The following INHBA variants were observed in gnomAD, a reference collection of about 807,000 sequenced individuals.
INHBA encodes inhibin beta A chain.
In INHBA, 1 loss-of-function variant was observed where a neutral mutation model predicts 29.0. That is an observed-to-expected ratio of 0.03 (90% confidence interval 0.01 to 0.16). The LOEUF is 0.16. INHBA is among the 10% of genes least tolerant of loss of function. The pLI is 1.00. For synonymous variants in INHBA, 242 were observed against 216.8 expected (o/e 1.12, Z -1.02); for missense variants, 376 against 545.4 (o/e 0.69, Z 3.09).
chr7:41,689,826 G>A lies in INHBA; in HGVS notation c.1105C>T (p.His369Tyr). 1 of 1,614,122 alleles carries A rather than the reference G, an allele frequency of 6.2e-7. No homozygotes were observed. The highest frequency in any genetic ancestry group is 1.1e-5 in the South Asian group (1 of 91,088). ...CGGTAGTGGTTGATGACTGTTGAGT[G>A]GAAGGACAGTGAGGACCCGGACGTG... ...AGTSGSSLSF[H>Y]STVINHYRMR... The change falls in exon 3 of 3, where the codon CAC (histidine) becomes TAC (tyrosine). Residue 369 changes from histidine (H) to tyrosine (Y), a missense_variant. Around this residue, in one of 4 missense-constraint regions of INHBA, gnomAD observed 50 missense variants for 137.9 expected, o/e 0.36. Transcript: ENST00000242208.
chr7:41,689,480 T>A lies in INHBA; in HGVS notation c.*170A>T. ...GATTTTTTCCACATCTTCCTTCATC[T>A]GTTTCATCAGGTTTTGTTTTTAATT... On this transcript the variant is annotated 3_prime_UTR_variant, in exon 3 of 3. Transcript: ENST00000242208. 1 of 604,432 alleles carries A rather than the reference T, an allele frequency of 1.7e-6. No individual in the cohort carries two copies. The highest frequency in any genetic ancestry group is 2.6e-6 in the Non-Finnish European group (1 of 379,578). 37.4% of individuals were successfully genotyped at this position (604,432 alleles called of 1,614,324 possible). A position where few individuals can be genotyped will look rare whatever the true frequency, so the allele number is the denominator to read the frequency against.
chr7:41,693,143 A>G (rs879265508), intron 2 of INHBA, among the ~76,000 whole-genome samples: 1 of 152,222 alleles, frequency 6.6e-6, no homozygotes, highest in Non-Finnish European at 1.5e-5. Flanking sequence ...ACAGACAGAT[A>G]GTAGCTGCTA....
rs1286506011 is a variant in INHBA, at chr7:41,686,029, T to G, written c.*3621A>C. ...CAACTGAGACATATTTGTTCTCTGT[T>G]TTTTTAGAGTCACCTCTTAAAGTCC... On this transcript the variant is annotated 3_prime_UTR_variant, in exon 3 of 3. Coordinates refer to ENST00000242208, the MANE Select transcript of INHBA (RefSeq NM_002192.4). 6.6e-6 allele frequency: 1 copy of G among 152,114 alleles called. No individual in the cohort carries two copies. The highest frequency in any genetic ancestry group is 1.9e-4 in the East Asian group (1 of 5,196). 9.4% of individuals were successfully genotyped at this position (152,114 alleles called of 1,614,324 possible). A position where few individuals can be genotyped will look rare whatever the true frequency, so the allele number is the denominator to read the frequency against.
chr7:41,703,449 C>T (rs1168291653), upstream of INHBA, among the ~76,000 whole-genome samples: 1 of 152,076 alleles, frequency 6.6e-6, no homozygotes, highest in Non-Finnish European at 1.5e-5. Flanking sequence ...CATAAAACAT[C>T]TGTTACTTCA....
In INHBA at chr7:41,686,477, G is replaced by GCTAGGTGAAAGAGTGGTTGTTCA. The variant is rs1794395787; in HGVS notation, c.*3150_*3172dup. On this transcript the variant is annotated 3_prime_UTR_variant, in exon 3 of 3. Transcript: ENST00000242208. ...AAGCCTTTACTTTTGGCCTCATGCT[G>GCTAGGTGAAAGAGTGGTTGTTCA]CTAGGTGAAAGAGTGGTTGTTCACA... 6.6e-6 allele frequency: 1 copy of GCTAGGTGAAAGAGTGGTTGTTCA among 152,106 alleles called. No homozygotes were observed. The allele number at this position is 152,106 out of a possible 1,614,324, so 9.4% of individuals were successfully genotyped here.
At position 41,700,371 on chromosome 7, in the gene INHBA, G is replaced by A. The variant is rs1794752318; in HGVS notation, c.4C>T (p.Pro2Ser). Residue 2 changes from proline to serine, a missense_variant, in exon 2 of 3, where the codon CCC (proline) becomes TCC (serine). Pro to Ser is a moderately conservative substitution (Grantham distance 74). Transcript: ENST00000242208. MPLLWLRGFLLA... is the reference protein window; with the variant it reads MSLLWLRGFLLA... ...AGAAATCCTCTCAGCCAAAGCAAGG[G>A]CATCCTGGCAGCAAAAGTTGTTGTG... 4.1e-6 allele frequency: 6 copies of A among 1,456,578 alleles called. No homozygotes were observed. Among genetic ancestry groups the A allele is most frequent in the East Asian group, 2.3e-5 (1 of 43,002 alleles). The allele number at this position is 1,456,578 out of a possible 1,614,324, so 90.2% of individuals were successfully genotyped here.
At chr7:41,700,562 T>C (rs1794760188) in intron 1 of INHBA, 45 bp from the exon 2 acceptor site, 3 of 521,562 alleles carry the variant, frequency 5.8e-6, no homozygotes, top group East Asian at 3.1e-5. Context: ...TGTTTGCAGG[T>C]TCCTCTCTGA....
rs1425653006 is a variant in INHBA at position 41,700,480 on chromosome 7, TG to T, written c.-107del. ...GTGTGGATTTTTTTATTTTTTTTTT[TG>T]GTGTTTTTTTTTTCCTTCTCCTCTT... On this transcript the variant is annotated 5_prime_UTR_variant, in exon 2 of 3. Coordinates refer to ENST00000242208, the MANE Select transcript of INHBA (RefSeq NM_002192.4). 1.7e-6 allele frequency: 2 copies of T among 1,143,752 alleles called. No homozygotes were observed. The highest frequency in any genetic ancestry group is 2.9e-5 in the Admixed American group (1 of 34,238). 70.9% of individuals were successfully genotyped at this position (1,143,752 alleles called of 1,614,324 possible).
chr7:41,693,230 T>A (rs1794560639), intron 2 of INHBA, among the ~76,000 whole-genome samples: 1 of 152,162 alleles, frequency 6.6e-6, no homozygotes, highest in African/African-American at 2.4e-5. Flanking sequence ...GTCTGACTAG[T>A]GCCCCGGATA....
At position 41,700,438 on chromosome 7, in the gene INHBA, C is replaced by T; in HGVS notation, c.-64G>A. 4 of 1,328,662 alleles carry T rather than the reference C, an allele frequency of 3.0e-6. No individual in the cohort carries two copies. The highest frequency in any genetic ancestry group is 3.9e-6 in the Non-Finnish European group (4 of 1,028,110). 82.3% of individuals were successfully genotyped at this position (1,328,662 alleles called of 1,614,324 possible). A position where few individuals can be genotyped will look rare whatever the true frequency, so the allele number is the denominator to read the frequency against. ...GCCCTGCTTTTCCTCCCCCCTCACG[C>T]GCAGGTTTTTTTGTGTGTGTGGATT... On this transcript the variant is annotated 5_prime_UTR_variant, in exon 2 of 3. Transcript: ENST00000242208.
At position 41,690,161 on chromosome 7, in the gene INHBA, A is replaced by G. The variant is rs1192011470; in HGVS notation, c.770T>C (p.Leu257Pro). 1.2e-6 allele frequency: 2 copies of G among 1,612,912 alleles called. No homozygotes were observed. Among genetic ancestry groups the G allele is most frequent in the Non-Finnish European group, 1.7e-6 (2 of 1,179,898 alleles). ...CTCTTCTTTCTTCTTCTTCTTGCCCAGGAGAACCAAGCTGGCGCCACTCTC... is the reference window on the plus strand; with the variant it reads ...CTCTTCTTTCTTCTTCTTCTTGCCCGGGAGAACCAAGCTGGCGCCACTCTC... ...CQESGASLVL[L>P]GKKKKKEEEG... Residue 257 changes from leucine to proline, a missense_variant, in exon 3 of 3, where the codon CTG becomes CCG. Physicochemically the swap from Leu to Pro is moderately conservative, Grantham distance 98. Around this residue, in one of 4 missense-constraint regions of INHBA, gnomAD observed 253 missense variants for 313.4 expected, o/e 0.81. Coordinates refer to ENST00000242208, the MANE Select transcript of INHBA (RefSeq NM_002192.4).
rs1290970196 is a variant in INHBA, at chr7:41,685,559, G to C, written c.*4091C>G. The C allele has an allele frequency of 1.3e-5, 2 of 152,002 alleles. No individual in the cohort carries two copies. Among genetic ancestry groups the C allele is most frequent in the African/African-American group, 4.8e-5 (2 of 41,406 alleles). 9.4% of individuals were successfully genotyped at this position (152,002 alleles called of 1,614,324 possible). A position where few individuals can be genotyped will look rare whatever the true frequency, so the allele number is the denominator to read the frequency against. ...CATAAAAAGTTTTAAAATAAAACAG[G>C]CTTCAGATTATCTTGGCTTTCATAA... On this transcript the variant is annotated 3_prime_UTR_variant, in exon 3 of 3. Coordinates refer to ENST00000242208, the MANE Select transcript of INHBA (RefSeq NM_002192.4).
Position 41,688,743 on chromosome 7 carries a change from T to C in INHBA, c.*907A>G. Reference sequence around the variant, plus strand: ...AAAAACAACAACAACATTTACAAAATATAGAAATGTTTGGATCCAACAGAT... The same window carrying C: ...AAAAACAACAACAACATTTACAAAACATAGAAATGTTTGGATCCAACAGAT... On this transcript the variant is annotated 3_prime_UTR_variant, in exon 3 of 3. Coordinates refer to ENST00000242208, the MANE Select transcript of INHBA (RefSeq NM_002192.4). 6.1e-6 allele frequency: 1 copy of C among 163,274 alleles called. No homozygotes were observed. The allele number at this position is 163,274 out of a possible 1,614,324, so 10.1% of individuals were successfully genotyped here.
chr7:41,689,528 T>C lies in INHBA; in HGVS notation c.*122A>G. On this transcript the variant is annotated 3_prime_UTR_variant, in exon 3 of 3. Coordinates refer to ENST00000242208, the MANE Select transcript of INHBA (RefSeq NM_002192.4). ...ATTTACTTTTGTTTTTTTTTGTTTT[T>C]TTTTTTGTTTTGTTTTTAATTTCTA... is the stretch of plus-strand genomic sequence containing the variant. 1 of 819,632 alleles carries C rather than the reference T, an allele frequency of 1.2e-6. No homozygotes were observed. The highest frequency in any genetic ancestry group is 3.5e-5 in the South Asian group (1 of 28,186). The allele number at this position is 819,632 out of a possible 1,614,324, so 50.8% of individuals were successfully genotyped here.
intron 1 of INHBA, among the ~76,000 whole-genome samples, chr7:41,700,862 AGAGAGAGAG>A (rs1233462142): frequency 1.0e-4 from 15 of 144,790 alleles, no homozygotes; most frequent in African/African-American, 3.9e-4. Flanking sequence ...AGAGAGAGAG[AGAGAGAGAG>A]AGAGAGAAAG....
At chr7:41,701,929 G>C (rs1448295725) in intron 1 of INHBA, among the ~76,000 whole-genome samples, 1 of 152,108 alleles carries the variant, frequency 6.6e-6, no homozygotes, top group Non-Finnish European at 1.5e-5. Context: ...CACAGAAAAA[G>C]AAAAATGTGA....
Position 41,690,023 on chromosome 7 carries a change from T to C in INHBA, c.908A>G (p.His303Arg). The stretch of plus-strand genomic sequence containing the variant: ...GCCCCGCCGACGCCGGCGATGAGGG[T>C]GGTCTTCAGACTGCCGGGCCTGCAG... Reference protein sequence around the residue: ...LMLQARQSEDHPHRRRRRGLE... With the variant: ...LMLQARQSEDRPHRRRRRGLE... Residue 303 changes from histidine to arginine, a missense_variant, in exon 3 of 3, where the codon CAC becomes CGC. Around this residue, in one of 4 missense-constraint regions of INHBA, gnomAD observed 253 missense variants for 313.4 expected, o/e 0.81. Coordinates refer to ENST00000242208, the MANE Select transcript of INHBA (RefSeq NM_002192.4). The C allele has an allele frequency of 2.5e-6, 4 of 1,614,080 alleles. No individual in the cohort carries two copies. Among genetic ancestry groups the C allele is most frequent in the Non-Finnish European group, 3.4e-6 (4 of 1,180,024 alleles).
chr7:41,694,997 A>G (rs1794611526), intron 2 of INHBA, among the ~76,000 whole-genome samples: 1 of 152,160 alleles, frequency 6.6e-6, no homozygotes, highest in African/African-American at 2.4e-5. Context: ...GAATAAGTCA[A>G]TCATGAAGGC....
At chr7:41,703,396 G>C (rs562285680), upstream of INHBA, among the ~76,000 whole-genome samples, 1 of 151,912 alleles carries the variant, frequency 6.6e-6, no homozygotes, top group Non-Finnish European at 1.5e-5. Context: ...TTTACTACTC[G>C]CACACACGTC....
Sources: allele counts gnomAD v4.1 joint callset (sites outside exome capture counted in the v4.1 genomes callset), GRCh38; gene constraint gnomAD v4.1.1; regional missense constraint gnomAD v4.1.1; transcripts MANE v1.5; gene names NCBI Gene and HGNC (gene_info 2026-07-23, HGNC 2026-07-21).